Variants in ARHGAP32 observed in about 807,000 individuals in gnomAD.
ARHGAP32 encodes the protein Rho GTPase activating protein 32.
In ARHGAP32, 51 loss-of-function variants were observed where a neutral mutation model predicts 186.5. That is an observed-to-expected ratio of 0.27 (90% CI 0.22 to 0.35). The LOEUF (loss-of-function observed/expected upper bound fraction) is 0.35. Among genes scored for constraint, ARHGAP32 ranks in the 10% least tolerant of loss-of-function variants. ARHGAP32 has a pLI of 1.00. For missense variants in ARHGAP32, 2,186 were observed against 2,623.5 expected (o/e 0.83, Z 3.64); for synonymous variants, 950 against 964.3 (o/e 0.99, Z 0.27).
At chr11:129,086,483 G>A (rs1037951049) in intron 6 of ARHGAP32, among the ~76,000 whole-genome samples, 1 of 152,156 alleles carries the variant, frequency 6.6e-6, no homozygotes, top group African/African-American at 2.4e-5. Context: ...ACAATGTCAA[G>A]AGAATGAGAA....
intron 2 of ARHGAP32, among the ~76,000 whole-genome samples, chr11:129,158,308 G>A (rs764825711): frequency 1.3e-4 from 19 of 151,512 alleles, no homozygotes; most frequent in East Asian, 7.7e-4. Context: ...AAGACTCATC[G>A]GGGTGCTGAA....
At chr11:129,012,462 A>T (rs1938128676) in intron 11 of ARHGAP32, among the ~76,000 whole-genome samples, 1 of 152,204 alleles carries the variant, frequency 6.6e-6, no homozygotes, top group African/African-American at 2.4e-5. Context: ...CTGGTCTCAG[A>T]TCTTGGGTGC....
chr11:129,116,706 T>C (rs1173385297), intron 5 of ARHGAP32, among the ~76,000 whole-genome samples: 1 of 152,042 alleles, frequency 6.6e-6, no homozygotes, highest in East Asian at 1.9e-4. Context: ...AATTTATTTT[T>C]ATTAATGATG....
At chr11:129,226,761 C>A (rs1406594598) in intron 1 of ARHGAP32, among the ~76,000 whole-genome samples, 6 of 151,880 alleles carry the variant, frequency 4.0e-5, no homozygotes, top group Admixed American at 6.6e-5. Flanking sequence ...CTACAAGAGA[C>A]ACACAACACA....
intron 10 of ARHGAP32, among the ~76,000 whole-genome samples, chr11:129,042,835 T>C (rs1027779456): frequency 6.6e-6 from 1 of 152,210 alleles, no homozygotes; most frequent in Non-Finnish European, 1.5e-5. Flanking sequence ...CTTGATGCTA[T>C]GAGCTCTGGA....
chr11:129,134,785 C>CT (rs1253990549), intron 2 of ARHGAP32, among the ~76,000 whole-genome samples: 1 of 152,082 alleles, frequency 6.6e-6, no homozygotes, highest in Non-Finnish European at 1.5e-5. Context: ...GAATTAGTGC[C>CT]CTTATAAAAG....
intron 11 of ARHGAP32, among the ~76,000 whole-genome samples, chr11:129,034,495 C>T (rs1417841343): frequency 6.6e-6 from 1 of 152,092 alleles, no homozygotes; most frequent in Non-Finnish European, 1.5e-5. Flanking sequence ...TCTCTTCTAT[C>T]CCCCACCCCT....
At chr11:129,070,163 A>T (rs979788277) in intron 6 of ARHGAP32, among the ~76,000 whole-genome samples, 1 of 152,048 alleles carries the variant, frequency 6.6e-6, no homozygotes, top group Non-Finnish European at 1.5e-5. Flanking sequence ...TTGACCATAT[A>T]TAACTATTCC....
chr11:129,248,217 A>AGT (rs1945129384), intron 1 of ARHGAP32, among the ~76,000 whole-genome samples: 1 of 148,966 alleles, frequency 6.7e-6, no homozygotes, highest in Non-Finnish European at 1.5e-5. Flanking sequence ...TGTCTCAAAA[A>AGT]AAAAAAAAAA....
At chr11:129,276,786 A>G (rs1308726933) in intron 1 of ARHGAP32, among the ~76,000 whole-genome samples, 1 of 152,234 alleles carries the variant, frequency 6.6e-6, no homozygotes, top group African/African-American at 2.4e-5. Context: ...ACAGCTCTGT[A>G]AGAAAAACAA....
chr11:129,275,523 T>C (rs1207310097), intron 1 of ARHGAP32, among the ~76,000 whole-genome samples: 1 of 152,108 alleles, frequency 6.6e-6, no homozygotes, highest in East Asian at 1.9e-4. Context: ...AACCTTATAA[T>C]GGCTATGATA....
At chr11:129,135,287 A>G (rs1231090971) in intron 2 of ARHGAP32, among the ~76,000 whole-genome samples, 1 of 152,238 alleles carries the variant, frequency 6.6e-6, no homozygotes, top group Non-Finnish European at 1.5e-5. Context: ...TAAAAGTATA[A>G]TAACTAAGAC....
chr11:129,270,534 G>A (rs1000091237), intron 1 of ARHGAP32, among the ~76,000 whole-genome samples: 1 of 151,212 alleles, frequency 6.6e-6, no homozygotes, highest in Admixed American at 6.6e-5. Flanking sequence ...TGGGAAAAAT[G>A]AGTGAATCCT....
chr11:129,223,125 CTTCAT>C (rs1565472836), intron 1 of ARHGAP32, among the ~76,000 whole-genome samples: 2 of 152,100 alleles, frequency 1.3e-5, no homozygotes, highest in South Asian at 4.1e-4. Context: ...TACATTCTTT[CTTCAT>C]ACTAAGTCTT....
chr11:129,232,339 AAG>A (rs1944870445), intron 1 of ARHGAP32, among the ~76,000 whole-genome samples: 1 of 152,178 alleles, frequency 6.6e-6, no homozygotes, highest in South Asian at 2.1e-4. Context: ...ACTGAACTAG[AAG>A]ATGAGTTCAT....
chr11:129,232,823 A>G (rs1387403722), intron 1 of ARHGAP32, among the ~76,000 whole-genome samples: 1 of 152,050 alleles, frequency 6.6e-6, no homozygotes, highest in Non-Finnish European at 1.5e-5. Context: ...GCAATGCATG[A>G]CCAGTCCTTC....
At chr11:129,018,103 C>T (rs558637968) in intron 11 of ARHGAP32, among the ~76,000 whole-genome samples, 17 of 151,928 alleles carry the variant, frequency 1.1e-4, no homozygotes, top group Non-Finnish European at 2.1e-4. Context: ...AGAAGGCTTG[C>T]TTTTATGCTT....
chr11:129,255,206 G>C (rs540879676), intron 1 of ARHGAP32, among the ~76,000 whole-genome samples: 4 of 151,988 alleles, frequency 2.6e-5, no homozygotes, highest in Admixed American at 6.6e-5. Flanking sequence ...TAACAGAAGA[G>C]AATAAACAAA....
At position 128,967,897 on chromosome 11, in the gene ARHGAP32, G is replaced by A. The variant is rs949263494; in HGVS notation, c.*1010C>T. 2.7e-5 allele frequency: 4 copies of A among 145,722 alleles called. No homozygotes were observed. The highest frequency in any genetic ancestry group is 4.5e-5 in the Non-Finnish European group (3 of 66,786). 9.0% of individuals were successfully genotyped at this position (145,722 alleles called of 1,614,324 possible). ...AATTTATATTCATAATAAATTATGCGTGTCTATCCAGTCAAACCATGCTGG... is the reference window on the plus strand; with the variant it reads ...AATTTATATTCATAATAAATTATGCATGTCTATCCAGTCAAACCATGCTGG... On this transcript the variant is annotated 3_prime_UTR_variant, in exon 23 of 23. Transcript: ENST00000682385.
Sources: gnomAD v4.1 joint callset for allele counts (sites outside exome capture counted in the v4.1 genomes callset) on GRCh38, gnomAD v4.1.1 for gene constraint, MANE v1.5 for transcripts, NCBI Gene and HGNC (gene_info 2026-07-23, HGNC 2026-07-21) for gene names.